Variants in PREP observed in about 807,000 individuals in gnomAD.
PREP encodes the protein prolyl endopeptidase.
Under a neutral mutation model 87.6 loss-of-function variants are expected in PREP, and 29 were observed. The ratio of observed to expected loss-of-function variants is 0.33; its 90% CI spans 0.25 to 0.45. The LOEUF is 0.45. Among genes scored for constraint, PREP ranks in the 20% least tolerant of loss-of-function variants. The probability of loss-of-function intolerance (pLI) is 1.00; values close to 1 mark genes in which losing one functional copy is unlikely to be tolerated. For missense variants in PREP, 695 were observed against 886.5 expected (o/e 0.78, Z 2.74); for synonymous variants, 337 against 328.6 (o/e 1.03, Z -0.28).
At position 105,278,562 on chromosome 6, in the gene PREP, C is replaced by T. The variant is rs1769999786; in HGVS notation, c.1839-124G>A. ...CTAGTACGTGAGTGACCACCATGGA[C>T]TGTGCCTATGCGTTACCATTTAGGC... On this transcript the variant is annotated intron_variant, in intron 14 of 14. Transcript: ENST00000652536. The surrounding 1 kb of genome is among the most constrained non-coding windows in gnomAD (Gnocchi z 4.2). 9.8e-7 allele frequency: 1 copy of T among 1,016,850 alleles called. No homozygotes were observed. 63.0% of individuals were successfully genotyped at this position (1,016,850 alleles called of 1,614,324 possible). A position where few individuals can be genotyped will look rare whatever the true frequency, so the allele number is the denominator to read the frequency against.
intron 10 of PREP, among the ~76,000 whole-genome samples, chr6:105,290,726 A>G (rs1770282400): frequency 1.3e-5 from 2 of 152,226 alleles, no homozygotes; most frequent in South Asian, 4.1e-4. Context: ...CTCCAGGACA[A>G]AGGCATCCTT....
At chr6:105,399,943 T>C (rs948621887) in intron 1 of PREP, among the ~76,000 whole-genome samples, 2 of 152,198 alleles carry the variant, frequency 1.3e-5, no homozygotes, top group Admixed American at 1.3e-4. Context: ...ATTATGTTAC[T>C]AAATTCAGGC....
Position 105,397,107 on chromosome 6 carries a change from C to T in PREP, c.120+746G>A, listed in dbSNP as rs574255168. Among the ~76,000 whole-genome samples the T allele has an allele frequency of 1.7e-3, 259 of 148,528 alleles. 1 individual carries two copies. The highest frequency in any genetic ancestry group is 6.1e-3 in the African/African-American group (241 of 39,310). ...GGCTGAGGTACAAGAATTGCTTGAA[C>T]CCAGGAGGCGGAGGTTGCAGTGAGC... is the stretch of plus-strand genomic sequence containing the variant. On this transcript the variant is annotated intron_variant, in intron 2 of 14. Coordinates refer to ENST00000652536, the MANE Select transcript of PREP (RefSeq NM_002726.5).
chr6:105,384,390 C>T lies in PREP; in HGVS notation c.121-6871G>A, dbSNP rs1270631892. Among the ~76,000 whole-genome samples the T allele has an allele frequency of 5.3e-5, 8 of 152,182 alleles. No individual in the cohort carries two copies. The East Asian group carries it at 5.8e-4, about 11-fold the overall frequency. On this transcript the variant is annotated intron_variant, in intron 2 of 14. Transcript: ENST00000652536. ...ACTGATGAGGAACATCTGGCTGGAA[C>T]GGTGACAGTTATACCTTCAGAAAGT...
chr6:105,385,813 G>A (rs1016076477), intron 2 of PREP, among the ~76,000 whole-genome samples: 4 of 152,138 alleles, frequency 2.6e-5, no homozygotes, highest in Non-Finnish European at 4.4e-5. Context: ...TCAGAAAAAT[G>A]AGGCTAAAAA....
intron 6 of PREP, among the ~76,000 whole-genome samples, chr6:105,356,480 G>A (rs1431468244): frequency 6.6e-6 from 1 of 152,156 alleles, no homozygotes; most frequent in Non-Finnish European, 1.5e-5. Flanking sequence ...AAACATGAGG[G>A]GATTCCAAGG....
chr6:105,359,267 C>T (rs533032514), intron 6 of PREP, among the ~76,000 whole-genome samples: 4 of 152,242 alleles, frequency 2.6e-5, no homozygotes, highest in African/African-American at 9.6e-5. Flanking sequence ...TACAGACACA[C>T]ACAGAAAAGG....
At chr6:105,397,756 C>A (rs1295361769) in intron 2 of PREP, 97 bp downstream of exon 2, 7 of 968,352 alleles carry the variant, frequency 7.2e-6, no homozygotes, top group Non-Finnish European at 1.1e-5. Flanking sequence ...GCAGAAAACA[C>A]AGGAGAACAC....
rs1390154686 is a variant in PREP at position 105,277,564 on chromosome 6, GTGGA to G, written c.*576_*579del. ...CAAACAAACAAACAAGGGAGACAGAGTGGATGAACAACTTATTTTCAAAGCTAAC... is the reference window on the plus strand; with the variant it reads ...CAAACAAACAAACAAGGGAGACAGAGTGAACAACTTATTTTCAAAGCTAAC... On this transcript the variant is annotated 3_prime_UTR_variant, in exon 15 of 15. Coordinates refer to ENST00000652536, the MANE Select transcript of PREP (RefSeq NM_002726.5). The G allele has an allele frequency of 7.8e-5, 12 of 153,524 alleles. No individual in the cohort carries two copies. The highest frequency in any genetic ancestry group is 2.4e-4 in the African/African-American group (10 of 41,456). The allele number at this position is 153,524 out of a possible 1,614,324, so 9.5% of individuals were successfully genotyped here. A position where few individuals can be genotyped will look rare whatever the true frequency, so the allele number is the denominator to read the frequency against.
At position 105,285,558 on chromosome 6, in the gene PREP, T is replaced by A; in HGVS notation, c.1477A>T (p.Arg493Ter). Residue 493 changes from arginine to a stop codon, truncating the protein, a stop_gained, in exon 12 of 15, where the codon AGA (arginine) becomes TGA (stop). Coordinates refer to ENST00000652536, the MANE Select transcript of PREP (RefSeq NM_002726.5). LOFTEE classifies it high-confidence loss of function. ...ACTGCCAGGATACCACCCATGTGTC[T>A]CACAAAAATAAGCCTGGAAACACTG... ...NYSVSRLIFV[R>*]HMGGILAVAN... is the part of the protein sequence containing the mutation. 2 of 1,614,026 alleles carry A rather than the reference T, an allele frequency of 1.2e-6. No homozygotes were observed. The highest frequency in any genetic ancestry group is 1.7e-6 in the Non-Finnish European group (2 of 1,179,956).
In PREP at chr6:105,322,388, T is replaced by C. The variant is rs113595397; in HGVS notation, c.1317+1277A>G. The C allele has an allele frequency of 5.9e-5, 56 of 954,002 alleles. No individual in the cohort carries two copies. In the African/African-American group the frequency reaches 8.7e-4, roughly 15 times the overall value. 59.1% of individuals were successfully genotyped at this position (954,002 alleles called of 1,614,324 possible). A position where few individuals can be genotyped will look rare whatever the true frequency, so the allele number is the denominator to read the frequency against. Reference sequence around the variant, plus strand: ...CAGGAATCCTAAAAAACAGATACTATCAATCTCTACTTTACAGTTGAAAAA... The same window carrying C: ...CAGGAATCCTAAAAAACAGATACTACCAATCTCTACTTTACAGTTGAAAAA... On this transcript the variant is annotated intron_variant, in intron 10 of 14. Coordinates refer to ENST00000652536, the MANE Select transcript of PREP (RefSeq NM_002726.5).
chr6:105,297,788 G>A (rs1303188598), intron 10 of PREP, among the ~76,000 whole-genome samples: 1 of 152,176 alleles, frequency 6.6e-6, no homozygotes, highest in Non-Finnish European at 1.5e-5. Flanking sequence ...TAAATGAGTT[G>A]TACAATAGAT....
intron 6 of PREP, among the ~76,000 whole-genome samples, chr6:105,364,747 T>C (rs1008287420): frequency 1.3e-5 from 2 of 152,206 alleles, no homozygotes; most frequent in Admixed American, 1.3e-4. Flanking sequence ...TTAAGTGACT[T>C]GCCCAAGGCC....
chr6:105,327,052 T>G (rs1401434482), intron 9 of PREP, among the ~76,000 whole-genome samples: 1 of 152,100 alleles, frequency 6.6e-6, no homozygotes. Flanking sequence ...CTGAAGGAGG[T>G]TTACAGGCCT....
intron 10 of PREP, among the ~76,000 whole-genome samples, chr6:105,312,041 T>C (rs1770770238): frequency 6.6e-6 from 1 of 152,234 alleles, no homozygotes; most frequent in South Asian, 2.1e-4. Context: ...GCTATATACA[T>C]ATTAAATTCT....
chr6:105,284,659 C>T lies in PREP; in HGVS notation c.1549+827G>A, dbSNP rs1051060038. ...GGAGGTGAAGGTGCTTTCCCATGTC[C>T]TCCCTCCCCCAAAGACACAGGACAA... On this transcript the variant is annotated intron_variant, in intron 12 of 14. Transcript: ENST00000652536. Among the ~76,000 whole-genome samples, 4 of 152,136 alleles carry T rather than the reference C, an allele frequency of 2.6e-5. No individual in the cohort carries two copies. The East Asian group carries it at 7.7e-4, about 29-fold the overall frequency.
At chr6:105,341,092 T>C (rs1164015815) in intron 7 of PREP, among the ~76,000 whole-genome samples, 8 of 152,182 alleles carry the variant, frequency 5.3e-5, no homozygotes, top group African/African-American at 1.9e-4. Context: ...TATAAATTCT[T>C]CTCAGCACAT....
intron 7 of PREP, among the ~76,000 whole-genome samples, chr6:105,334,662 G>A (rs1459136501): frequency 1.3e-5 from 2 of 151,808 alleles, no homozygotes; most frequent in African/African-American, 2.4e-5. Flanking sequence ...AGGTTGCAGT[G>A]GGCTGAGATT....
Position 105,319,054 on chromosome 6 carries a change from C to T in PREP, c.1317+4611G>A, listed in dbSNP as rs75927872. ...TGAATTAAAGGGAAAAAAAATCCCACTCCCTCCACCCCAAGGCATGTTGGT... is the reference window on the plus strand; with the variant it reads ...TGAATTAAAGGGAAAAAAAATCCCATTCCCTCCACCCCAAGGCATGTTGGT... On this transcript the variant is annotated intron_variant, in intron 10 of 14. Coordinates refer to ENST00000652536, the MANE Select transcript of PREP (RefSeq NM_002726.5). 0.011 allele frequency among the ~76,000 whole-genome samples: 1,674 copies of T among 152,308 alleles called. 106 individuals are homozygous for T. In the East Asian group the frequency reaches 0.17, roughly 15 times the overall value.
Sources: allele counts gnomAD v4.1 joint callset (sites outside exome capture counted in the v4.1 genomes callset), GRCh38; gene constraint gnomAD v4.1.1; non-coding constraint Gnocchi (gnomAD v3.1); transcripts MANE v1.5; gene names NCBI Gene and HGNC (gene_info 2026-07-23, HGNC 2026-07-21).